The following ST8SIA1 variants were observed in gnomAD, a reference collection of about 807,000 sequenced individuals.
ST8SIA1 encodes the protein ST8 alpha-N-acetyl-neuraminide alpha-2,8-sialyltransferase 1, also known as alpha-N-acetylneuraminide alpha-2,8-sialyltransferase.
ST8SIA1 carries 16 observed loss-of-function variants against 35.9 expected under a neutral mutation model. The ratio of observed to expected loss-of-function variants is 0.45; its 90% CI spans 0.30 to 0.68. The LOEUF is 0.68. Among genes scored for constraint, ST8SIA1 ranks in the 30% least tolerant of loss-of-function variants. The pLI is 0.09. For synonymous variants in ST8SIA1, 170 were observed against 169.6 expected, an observed-to-expected ratio of 1.00 and a Z score of -0.02; for missense variants, 383 against 453.6, an observed-to-expected ratio of 0.84 and a Z score of 1.41.
chr12:22,217,340 CTCTAA>C (rs1459612751), intron 4 of ST8SIA1, among the ~76,000 whole-genome samples: 1 of 151,958 alleles, frequency 6.6e-6, no homozygotes, highest in Non-Finnish European at 1.5e-5. Flanking sequence ...GTGAAGTATA[CTCTAA>C]TCTATAGACT....
Position 22,197,151 on chromosome 12 carries a change from CT to C in ST8SIA1, c.*4400del, listed in dbSNP as rs1565563677. The C allele has an allele frequency of 6.6e-6, 1 of 152,218 alleles. No individual in the cohort carries two copies. Among genetic ancestry groups the C allele is most frequent in the African/African-American group, 2.4e-5 (1 of 41,438 alleles). 9.4% of individuals were successfully genotyped at this position (152,218 alleles called of 1,614,324 possible). A position where few individuals can be genotyped will look rare whatever the true frequency, so the allele number is the denominator to read the frequency against. On this transcript the variant is annotated 3_prime_UTR_variant, in exon 5 of 5. Coordinates refer to ENST00000396037, the MANE Select transcript of ST8SIA1 (RefSeq NM_003034.4). ...TAACCCACTTCTACCACTTCCACCCCTGACGTGTGCCCAATAAAAGTCATAT... is the reference window on the plus strand; with the variant it reads ...TAACCCACTTCTACCACTTCCACCCCGACGTGTGCCCAATAAAAGTCATAT...
chr12:22,320,462 C>T (rs1360748588), intron 1 of ST8SIA1, among the ~76,000 whole-genome samples: 2 of 152,178 alleles, frequency 1.3e-5, no homozygotes, highest in Non-Finnish European at 2.9e-5. Context: ...GAGGCCACAG[C>T]CTTTCCACCC....
intron 1 of ST8SIA1, among the ~76,000 whole-genome samples, chr12:22,330,339 C>T (rs539568565): frequency 2.6e-5 from 4 of 152,254 alleles, no homozygotes; most frequent in East Asian, 3.9e-4. Flanking sequence ...TCATTCCAGG[C>T]GCTGTCTATA....
intron 4 of ST8SIA1, among the ~76,000 whole-genome samples, chr12:22,233,271 A>C (rs1865438828): frequency 6.6e-6 from 1 of 152,242 alleles, no homozygotes; most frequent in Non-Finnish European, 1.5e-5. Flanking sequence ...GAAACATTGG[A>C]GGAACATCTT....
At chr12:22,249,508 C>CCA (rs1206708570) in intron 3 of ST8SIA1, among the ~76,000 whole-genome samples, 1 of 152,122 alleles carries the variant, frequency 6.6e-6, no homozygotes, top group Non-Finnish European at 1.5e-5. Context: ...GCGTGAGCCA[C>CCA]TGCACCCAGC....
intron 4 of ST8SIA1, among the ~76,000 whole-genome samples, chr12:22,206,277 A>G (rs1387050205): frequency 6.6e-6 from 1 of 152,172 alleles, no homozygotes; most frequent in Non-Finnish European, 1.5e-5. Context: ...ACCAAAGGAA[A>G]CCAGAGCATG....
chr12:22,318,107 T>C (rs1866542234), intron 1 of ST8SIA1, among the ~76,000 whole-genome samples: 2 of 152,194 alleles, frequency 1.3e-5, no homozygotes. Flanking sequence ...ATGAAACTGA[T>C]AAGACCTTTA....
At chr12:22,333,443 GCA>G (rs1195968106) in intron 1 of ST8SIA1, among the ~76,000 whole-genome samples, 3 of 152,230 alleles carry the variant, frequency 2.0e-5, no homozygotes, top group Non-Finnish European at 2.9e-5. Flanking sequence ...CACAAAAATT[GCA>G]CAGTATCGTC....
Position 22,193,459 on chromosome 12 carries a change from G to A in ST8SIA1, c.*8093C>T, listed in dbSNP as rs1318438152. On this transcript the variant is annotated 3_prime_UTR_variant, in exon 5 of 5. Coordinates refer to ENST00000396037, the MANE Select transcript of ST8SIA1 (RefSeq NM_003034.4). ...TCCAAGTAAAGGAGGTAGAGAAATT[G>A]AGACTTACCGAACCTTCTCACTGCC... 1 of 152,174 alleles carries A rather than the reference G, an allele frequency of 6.6e-6. No homozygotes were observed. The highest frequency in any genetic ancestry group is 1.5e-5 in the Non-Finnish European group (1 of 68,022). 9.4% of individuals were successfully genotyped at this position (152,174 alleles called of 1,614,324 possible).
At position 22,296,972 on chromosome 12, in the gene ST8SIA1, G is replaced by A. The variant is rs374055386; in HGVS notation, c.237-9679C>T. Among the ~76,000 whole-genome samples the A allele has an allele frequency of 1.6e-4, 25 of 152,218 alleles. 2 individuals are homozygous for A. The highest frequency in any genetic ancestry group is 6.0e-4 in the African/African-American group (25 of 41,520). On this transcript the variant is annotated intron_variant, in intron 1 of 4. Coordinates refer to ENST00000396037, the MANE Select transcript of ST8SIA1 (RefSeq NM_003034.4). ...GTGACTTATAATTGAACCATTTCTC[G>A]AATATACGTGTTTACACAGCAGGGT...
At position 22,201,384 on chromosome 12, in the gene ST8SIA1, C is replaced by T; in HGVS notation, c.*168G>A. The T allele has an allele frequency of 1.1e-6, 1 of 891,528 alleles. No individual in the cohort carries two copies. The highest frequency in any genetic ancestry group is 1.6e-6 in the Non-Finnish European group (1 of 606,544). 55.2% of individuals were successfully genotyped at this position (891,528 alleles called of 1,614,324 possible). On this transcript the variant is annotated 3_prime_UTR_variant, in exon 5 of 5. Coordinates refer to ENST00000396037, the MANE Select transcript of ST8SIA1 (RefSeq NM_003034.4). ...TAGGATGTTTCATTTCTTATTTGTC[C>T]TCCAAGCCAACGCTGAAAGTAAAGT...
chr12:22,251,051 G>A (rs1054997888), intron 3 of ST8SIA1, among the ~76,000 whole-genome samples: 3 of 152,176 alleles, frequency 2.0e-5, no homozygotes, highest in South Asian at 2.1e-4. Context: ...AGGCTCATCC[G>A]GCTGTGGTAA....
At chr12:22,258,662 C>T (rs1865754038) in intron 2 of ST8SIA1, among the ~76,000 whole-genome samples, 1 of 152,164 alleles carries the variant, frequency 6.6e-6, no homozygotes, top group South Asian at 2.1e-4. Context: ...GTTATACATG[C>T]ACATTTGCAT....
intron 2 of ST8SIA1, among the ~76,000 whole-genome samples, chr12:22,283,189 A>G (rs1424007978): frequency 6.6e-6 from 1 of 152,176 alleles, no homozygotes; most frequent in Non-Finnish European, 1.5e-5. Flanking sequence ...TGCTTTACAT[A>G]TGGCCCTGGG....
chr12:22,311,218 A>G (rs1452804618), intron 1 of ST8SIA1, among the ~76,000 whole-genome samples: 1 of 152,160 alleles, frequency 6.6e-6, no homozygotes. Flanking sequence ...TTCTGTCCAT[A>G]AGAATCTCAT....
chr12:22,236,660 A>C (rs1259261038), intron 4 of ST8SIA1, among the ~76,000 whole-genome samples: 1 of 151,948 alleles, frequency 6.6e-6, no homozygotes, highest in Non-Finnish European at 1.5e-5. Flanking sequence ...GGTGCAACCC[A>C]CTCTCAGTGG....
At position 22,198,561 on chromosome 12, in the gene ST8SIA1, ACACACACT is replaced by A. The variant is rs1378666244; in HGVS notation, c.*2983_*2990del. The A allele has an allele frequency of 6.6e-6, 1 of 150,938 alleles. No individual in the cohort carries two copies. Among genetic ancestry groups the A allele is most frequent in the Non-Finnish European group, 1.5e-5 (1 of 68,940 alleles). 9.3% of individuals were successfully genotyped at this position (150,938 alleles called of 1,614,324 possible). A position where few individuals can be genotyped will look rare whatever the true frequency, so the allele number is the denominator to read the frequency against. ...CACACACACACACACACACACACAC[ACACACACT>A]CCTATCTAACCAATTATGTCCAAAA... On this transcript the variant is annotated 3_prime_UTR_variant, in exon 5 of 5. Coordinates refer to ENST00000396037, the MANE Select transcript of ST8SIA1 (RefSeq NM_003034.4).
At chr12:22,245,746 A>T (rs540700236) in intron 4 of ST8SIA1, among the ~76,000 whole-genome samples, 6 of 152,364 alleles carry the variant, frequency 3.9e-5, no homozygotes, top group Non-Finnish European at 8.8e-5. Flanking sequence ...TCAAGGCAGG[A>T]TTCTAGGACT....
chr12:22,229,615 C>CAAAAA (rs11290260), intron 4 of ST8SIA1, among the ~76,000 whole-genome samples: 1 of 93,744 alleles, frequency 1.1e-5, no homozygotes, highest in African/African-American at 4.0e-5. Flanking sequence ...GACCGGGTTT[C>CAAAAA]AAAAAAAAAA....
Sources: gnomAD v4.1 joint callset for allele counts (sites outside exome capture counted in the v4.1 genomes callset) on GRCh38, gnomAD v4.1.1 for gene constraint, MANE v1.5 for transcripts, NCBI Gene and HGNC (gene_info 2026-07-23, HGNC 2026-07-21) for gene names.